UBXN7: variants seen among roughly 807,000 people sequenced by gnomAD.
UBXN7 encodes UBX domain-containing protein 7.
In UBXN7, 9 loss-of-function variants were observed where a neutral mutation model predicts 58.0. The ratio of observed to expected loss-of-function variants is 0.16; its 90% CI spans 0.09 to 0.27. The LOEUF is 0.27. Among genes scored for constraint, UBXN7 ranks in the 10% least tolerant of loss-of-function variants. The pLI is 1.00. For synonymous variants in UBXN7, 208 were observed against 205.0 expected (o/e 1.01, Z -0.12); for missense variants, 328 against 599.6 (o/e 0.55, Z 4.73).
intron 1 of UBXN7, among the ~76,000 whole-genome samples, chr3:196,430,838 T>G (rs139415972): frequency 1.8e-4 from 27 of 152,326 alleles, no homozygotes; most frequent in African/African-American, 6.3e-4. Context: ...TAGCAATGAT[T>G]TGTCAGACAT....
At chr3:196,360,610 G>A (rs991827835) in intron 10 of UBXN7, among the ~76,000 whole-genome samples, 8 of 152,172 alleles carry the variant, frequency 5.3e-5, no homozygotes, top group South Asian at 4.1e-4. Context: ...CATTGACAAC[G>A]CACCTAGTCA....
At chr3:196,413,612 T>C (rs921269835) in intron 1 of UBXN7, among the ~76,000 whole-genome samples, 3 of 152,146 alleles carry the variant, frequency 2.0e-5, no homozygotes, top group African/African-American at 4.8e-5. Context: ...AAGAGAGCTA[T>C]AGTTCCTTCT....
intron 5 of UBXN7, among the ~76,000 whole-genome samples, chr3:196,372,657 A>C (rs1467391854): frequency 1.3e-5 from 2 of 151,602 alleles, no homozygotes. Context: ...TGAATTTTTA[A>C]TGTATGTTTA....
At chr3:196,384,327 A>C (rs1015852641) in intron 5 of UBXN7, among the ~76,000 whole-genome samples, 3 of 152,216 alleles carry the variant, frequency 2.0e-5, no homozygotes, top group Non-Finnish European at 4.4e-5. Context: ...CAACCAAAAA[A>C]AGTCCAGGAC....
At chr3:196,401,298 T>TATACAC (rs1269101481) in intron 3 of UBXN7, among the ~76,000 whole-genome samples, 72 of 61,668 alleles carry the variant, frequency 1.2e-3, no homozygotes, top group African/African-American at 4.6e-3. Flanking sequence ...TATATATATA[T>TATACAC]ACACACACAC....
rs1482325181 is a variant in UBXN7, at chr3:196,349,645, G to A, written c.*7040C>T. On this transcript the variant is annotated 3_prime_UTR_variant, in exon 11 of 11. Transcript: ENST00000296328. ...CAGCTACCTAGATAGAGAGAAAAAA[G>A]GAGAATGGCAGGGAACGGTTCCAGA... 1 of 152,122 alleles carries A rather than the reference G, an allele frequency of 6.6e-6. No homozygotes were observed. The highest frequency in any genetic ancestry group is 1.9e-4 in the East Asian group (1 of 5,190). The allele number at this position is 152,122 out of a possible 1,614,324, so 9.4% of individuals were successfully genotyped here.
intron 1 of UBXN7, among the ~76,000 whole-genome samples, chr3:196,417,127 C>T (rs935613944): frequency 1.6e-4 from 25 of 152,094 alleles, no homozygotes; most frequent in Non-Finnish European, 1.0e-4. Context: ...TCCTGGCTAA[C>T]ACGGTGAAAC....
intron 2 of UBXN7, among the ~76,000 whole-genome samples, 161 bp from the exon 3 acceptor site, chr3:196,403,180 C>T (rs1161563843): frequency 6.6e-6 from 1 of 152,102 alleles, no homozygotes; most frequent in Non-Finnish European, 1.5e-5. Flanking sequence ...GCGGTGGAGA[C>T]AGTGTCTCAC....
rs567921944 is a variant in UBXN7 at position 196,349,421 on chromosome 3, T to G, written c.*7264A>C. ...AGGGCAATAAGTTATCAAAAAGTTA[T>G]TGTTAAAAGCATATGATTAGTGTCA... On this transcript the variant is annotated 3_prime_UTR_variant, in exon 11 of 11. Coordinates refer to ENST00000296328, the MANE Select transcript of UBXN7 (RefSeq NM_015562.2). The G allele has an allele frequency of 1.3e-5, 2 of 152,334 alleles. No individual in the cohort carries two copies. The highest frequency in any genetic ancestry group is 4.1e-4 in the South Asian group (2 of 4,830). The allele number at this position is 152,334 out of a possible 1,614,324, so 9.4% of individuals were successfully genotyped here. A position where few individuals can be genotyped will look rare whatever the true frequency, so the allele number is the denominator to read the frequency against.
intron 3 of UBXN7, chr3:196,400,178 G>A (rs1159563312): frequency 6.6e-6 from 1 of 151,296 alleles, no homozygotes; most frequent in Admixed American, 6.6e-5. Context: ...CTGCACTCCA[G>A]CCTGGGGCAA....
chr3:196,372,336 TTTC>T (rs1373587686), intron 5 of UBXN7, among the ~76,000 whole-genome samples: 1 of 120,472 alleles, frequency 8.3e-6, no homozygotes, highest in Non-Finnish European at 1.9e-5. Flanking sequence ...CCTTTCTTTC[TTTC>T]TTTCTTTTTT....
chr3:196,398,958 T>C (rs1053551480), intron 3 of UBXN7, among the ~76,000 whole-genome samples: 10 of 152,046 alleles, frequency 6.6e-5, no homozygotes, highest in Non-Finnish European at 1.5e-4. Context: ...AAACCTCTTT[T>C]TTAAAATCAC....
chr3:196,401,296 TATACACACAC>T (rs1402459424), intron 3 of UBXN7, among the ~76,000 whole-genome samples: 19 of 77,396 alleles, frequency 2.5e-4, no homozygotes, highest in Non-Finnish European at 3.9e-4. Flanking sequence ...TATATATATA[TATACACACAC>T]ACACACACAC....
At position 196,349,142 on chromosome 3, in the gene UBXN7, T is replaced by C. The variant is rs1192728942; in HGVS notation, c.*7543A>G. 3 of 152,236 alleles carry C rather than the reference T, an allele frequency of 2.0e-5. No homozygotes were observed. Among genetic ancestry groups the C allele is most frequent in the African/African-American group, 7.2e-5 (3 of 41,452 alleles). The allele number at this position is 152,236 out of a possible 1,614,324, so 9.4% of individuals were successfully genotyped here. ...GCATCAACTGGTACTCATTTCTCTA[T>C]ATCTAAGACTAGAAGATTCTCTCAC... On this transcript the variant is annotated 3_prime_UTR_variant, in exon 11 of 11. Transcript: ENST00000296328.
chr3:196,421,969 C>T (rs1469217987), intron 1 of UBXN7, among the ~76,000 whole-genome samples: 2 of 152,152 alleles, frequency 1.3e-5, no homozygotes, highest in African/African-American at 2.4e-5. Context: ...GAGGTTGAGG[C>T]GGGCAGATCA....
intron 5 of UBXN7, among the ~76,000 whole-genome samples, chr3:196,376,821 TA>T (rs1729043205): frequency 1.3e-5 from 2 of 151,920 alleles, no homozygotes; most frequent in African/African-American, 4.8e-5. Flanking sequence ...CAAGGCTGGT[TA>T]ATCACTGGAG....
rs188038182 is a variant in UBXN7, at chr3:196,404,419, C to G, written c.222-1400G>C. 3.6e-3 allele frequency among the ~76,000 whole-genome samples: 553 copies of G among 152,188 alleles called. 22 individuals are homozygous for G. In the South Asian group the frequency reaches 0.074, roughly 20 times the overall value. Reference sequence around the variant, plus strand: ...CTGGGACTACAGGCGCACGCCACCACGCCCGGCTAATTTTTTGTATTTTTA... The same window carrying G: ...CTGGGACTACAGGCGCACGCCACCAGGCCCGGCTAATTTTTTGTATTTTTA... On this transcript the variant is annotated intron_variant, in intron 2 of 10. Transcript: ENST00000296328.
intron 5 of UBXN7, among the ~76,000 whole-genome samples, chr3:196,380,715 T>G (rs1040284618): frequency 6.6e-6 from 1 of 152,210 alleles, no homozygotes; most frequent in Admixed American, 6.5e-5. Context: ...GGGAAATCAT[T>G]TCCCTTTCCT....
At chr3:196,406,345 T>C (rs1730160202) in intron 2 of UBXN7, among the ~76,000 whole-genome samples, 1 of 152,042 alleles carries the variant, frequency 6.6e-6, no homozygotes, top group Admixed American at 6.5e-5. Context: ...TTTTTTTAAA[T>C]ATTAAGGTTT....
Sources: gnomAD v4.1 joint callset for allele counts (sites outside exome capture counted in the v4.1 genomes callset) on GRCh38, gnomAD v4.1.1 for gene constraint, MANE v1.5 for transcripts, NCBI Gene and HGNC (gene_info 2026-07-23, HGNC 2026-07-21) for gene names.